The following P4HA3 variants were observed in gnomAD, a reference collection of about 807,000 sequenced individuals.
P4HA3 encodes the protein prolyl 4-hydroxylase subunit alpha 3.
In P4HA3, 60 loss-of-function variants were observed where a neutral mutation model predicts 66.7. That is an observed-to-expected ratio of 0.90 (90% CI 0.73 to 1.12). The LOEUF (loss-of-function observed/expected upper bound fraction) is 1.12. Among genes scored for constraint, P4HA3 ranks in the 50% most tolerant of loss-of-function variants. The probability of loss-of-function intolerance (pLI) is 0.00; values close to 1 mark genes in which losing one functional copy is unlikely to be tolerated. For synonymous variants in P4HA3, 263 were observed against 274.6 expected (o/e 0.96, Z 0.42); for missense variants, 683 against 685.8 (o/e 1.00, Z 0.05).
chr11:74,267,062 C>A lies in P4HA3; in HGVS notation c.*186G>T. The stretch of plus-strand genomic sequence containing the variant: ...TCTGACTTCCGTGGCTGGGGCAGAT[C>A]AAATGTACATTCTCAGTGTCCCCTG... On this transcript the variant is annotated 3_prime_UTR_variant, in exon 13 of 13. Coordinates refer to ENST00000331597, the MANE Select transcript of P4HA3 (RefSeq NM_182904.5). 2 of 1,536,842 alleles carry A rather than the reference C, an allele frequency of 1.3e-6. No homozygotes were observed. Among genetic ancestry groups the A allele is most frequent in the Non-Finnish European group, 1.7e-6 (2 of 1,146,824 alleles).
intron 9 of P4HA3, 148 bp from the exon 10 acceptor site, chr11:74,273,755 G>T: frequency 1.9e-6 from 1 of 513,078 alleles, no homozygotes; most frequent in Non-Finnish European, 3.0e-6. Flanking sequence ...GTATGTGCCC[G>T]TCTTTGCTGG....
intron 15 of P4HA3, among the ~76,000 whole-genome samples, chr11:74,252,922 G>A (rs866930890): frequency 2.6e-5 from 4 of 152,166 alleles, no homozygotes; most frequent in South Asian, 2.1e-4. Flanking sequence ...AGTCTGTACT[G>A]CAGAAGGCCT....
At chr11:74,276,370 C>T (rs778877415) in intron 9 of P4HA3, among the ~76,000 whole-genome samples, 21 of 152,028 alleles carry the variant, frequency 1.4e-4, no homozygotes, top group Non-Finnish European at 2.2e-4. Context: ...CAAGACAAGC[C>T]TGGGCAACAT....
downstream of P4HA3, among the ~76,000 whole-genome samples, chr11:74,262,957 G>A (rs1296543318): frequency 6.6e-6 from 1 of 152,228 alleles, no homozygotes; most frequent in Non-Finnish European, 1.5e-5. Context: ...GTGTGAAAGA[G>A]GGACAAGCAG....
chr11:74,285,905 C>T lies in P4HA3; in HGVS notation c.1014G>A (p.Arg338=), dbSNP rs1793712838. Residue 338 remains arginine (R), a synonymous_variant, in exon 7 of 13, where the codon CGG becomes CGA. Coordinates refer to ENST00000331597, the MANE Select transcript of P4HA3 (RefSeq NM_182904.5). The stretch of plus-strand genomic sequence containing the variant: ...AGGGCTCCAGGTGGATGACCTCCTT[C>T]CGGATGGGCTGGAGCAGCAGGTAGG... ...SNAYLLLQPI[R]KEVIHLEPYI... is the part of the protein sequence containing the mutation. The T allele has an allele frequency of 6.2e-7, 1 of 1,612,862 alleles. No homozygotes were observed. Among genetic ancestry groups the T allele is most frequent in the Non-Finnish European group, 8.5e-7 (1 of 1,178,914 alleles).
chr11:74,269,571 G>C, intron 11 of P4HA3, 81 bp downstream of exon 11: 3 of 1,426,018 alleles, frequency 2.1e-6, no homozygotes, highest in Non-Finnish European at 2.9e-6. Context: ...GAATGGGCTT[G>C]CAAGCACAGA....
downstream of P4HA3, among the ~76,000 whole-genome samples, chr11:74,262,811 C>A (rs1351428058): frequency 5.9e-5 from 9 of 152,182 alleles, no homozygotes; most frequent in Non-Finnish European, 1.3e-4. Context: ...CAGCCAAGGC[C>A]CCCAACAGGA....
intron 5 of P4HA3, among the ~76,000 whole-genome samples, chr11:74,288,653 G>A (rs1860886160): frequency 6.6e-6 from 1 of 152,094 alleles, no homozygotes; most frequent in Non-Finnish European, 1.5e-5. Flanking sequence ...ATGAAATTAA[G>A]ATAATAAAGA....
intron 3 of P4HA3, among the ~76,000 whole-genome samples, chr11:74,299,899 TGA>T (rs752359566): frequency 1.3e-5 from 2 of 152,110 alleles, no homozygotes; most frequent in Non-Finnish European, 2.9e-5. Context: ...GACACCCTCA[TGA>T]AACTGGATTC....
At chr11:74,252,250 T>G (rs1427784825) in intron 15 of P4HA3, among the ~76,000 whole-genome samples, 2,072 of 141,352 alleles carry the variant, frequency 0.015, 23 homozygotes, top group African/African-American at 0.03. Context: ...TTTTTTTTTT[T>G]GTTTTTTTTT....
downstream of P4HA3, among the ~76,000 whole-genome samples, chr11:74,265,742 T>C (rs1217386258): frequency 1.3e-5 from 2 of 152,138 alleles, no homozygotes; most frequent in Non-Finnish European, 2.9e-5. Context: ...AACCAGACCT[T>C]CTTCTGGGGC....
chr11:74,250,373 A>G (rs920506439), intron 15 of P4HA3: 2 of 153,080 alleles, frequency 1.3e-5, no homozygotes, highest in African/African-American at 4.8e-5. Flanking sequence ...CACATGCTTA[A>G]GTGCTCAGAT....
At chr11:74,295,284 C>T (rs1861179382) in intron 4 of P4HA3, among the ~76,000 whole-genome samples, 1 of 152,028 alleles carries the variant, frequency 6.6e-6, no homozygotes, top group African/African-American at 2.4e-5. Context: ...GAAACATTGC[C>T]CAGTGCACAG....
chr11:74,293,751 CT>C (rs908630409), intron 4 of P4HA3, among the ~76,000 whole-genome samples: 114 of 152,300 alleles, frequency 7.5e-4, no homozygotes, highest in African/African-American at 2.6e-3. Context: ...AAATTCTTTT[CT>C]TTAAGAATGT....
At chr11:74,273,668 G>A in intron 9 of P4HA3, 61 bp from the exon 10 acceptor site, 1 of 1,337,268 alleles carries the variant, frequency 7.5e-7, no homozygotes, top group Non-Finnish European at 1.0e-6. Flanking sequence ...GGACAGGCAG[G>A]ATTCCACTAT....
chr11:74,267,842 C>T (rs895731469), intron 12 of P4HA3, among the ~76,000 whole-genome samples: 17 of 152,240 alleles, frequency 1.1e-4, no homozygotes, highest in African/African-American at 3.4e-4. Flanking sequence ...CTTGACACAT[C>T]TTTCCTTGGG....
At chr11:74,264,869 G>T (rs991906797), downstream of P4HA3, among the ~76,000 whole-genome samples, 4 of 152,154 alleles carry the variant, frequency 2.6e-5, no homozygotes, top group Non-Finnish European at 5.9e-5. Context: ...CTGCGCCTGA[G>T]GATTACTCAT....
chr11:74,268,308 T>A, intron 11 of P4HA3, 67 bp from the exon 12 acceptor site: 1 of 1,268,500 alleles, frequency 7.9e-7, no homozygotes, highest in Non-Finnish European at 1.1e-6. Flanking sequence ...AAGCACATAC[T>A]AAGGACAAAT....
At chr11:74,288,965 A>T in intron 5 of P4HA3, 114 bp downstream of exon 5, 1 of 745,348 alleles carries the variant, frequency 1.3e-6, no homozygotes, top group Non-Finnish European at 1.9e-6. Flanking sequence ...AAAAAAAAAA[A>T]AGATAATAAA....
Sources: allele counts gnomAD v4.1 joint callset (sites outside exome capture counted in the v4.1 genomes callset), GRCh38; gene constraint gnomAD v4.1.1; transcripts MANE v1.5; gene names NCBI Gene and HGNC (gene_info 2026-07-23, HGNC 2026-07-21).